The following JAK2 variants were observed in gnomAD, a reference collection of about 807,000 sequenced individuals.
JAK2 encodes Janus kinase 2, also known as tyrosine-protein kinase JAK2.
A neutral mutation model predicts 139.3 loss-of-function variants in JAK2; 86 were observed. The observed-to-expected ratio is 0.62, with a 90% CI of 0.52 to 0.74. The LOEUF is 0.74. JAK2 is among the 30% of genes least tolerant of loss of function. The pLI is 0.00. For missense variants in JAK2, 1,421 were observed against 1,360.3 expected, an observed-to-expected ratio of 1.04 and a Z score of -0.70; for synonymous variants, 490 against 437.7, an observed-to-expected ratio of 1.12 and a Z score of -1.49.
intron 22 of JAK2, among the ~76,000 whole-genome samples, chr9:5,116,522 G>C (rs1000156895): frequency 2.6e-5 from 4 of 151,966 alleles, no homozygotes; most frequent in African/African-American, 9.7e-5. Flanking sequence ...GAATTTAATT[G>C]TTTTTATTGT....
At position 5,089,769 on chromosome 9, in the gene JAK2, A is replaced by G. The variant is rs752665137; in HGVS notation, c.2667A>G (p.Glu889=). The G allele has an allele frequency of 2.5e-6, 4 of 1,599,004 alleles. No individual in the cohort carries two copies. The highest frequency in any genetic ancestry group is 8.5e-7 in the Non-Finnish European group (1 of 1,172,720). Residue 889 remains glutamate (E), a synonymous_variant, in exon 20 of 25, where the codon GAA becomes GAG. Coordinates refer to ENST00000381652, the MANE Select transcript of JAK2 (RefSeq NM_004972.4). The part of the protein sequence containing the change: ...VAVKKLQHST[E]EHLRDFEREI... ...TAAAAAAGCTTCAGCATAGTACTGA[A>G]GAGCACCTAAGAGACTTTGAAAGGG...
At chr9:5,081,044 C>T (rs1451860904) in intron 18 of JAK2, among the ~76,000 whole-genome samples, 5 of 151,578 alleles carry the variant, frequency 3.3e-5, no homozygotes, top group South Asian at 4.2e-4. Context: ...TACAGGCGCC[C>T]GCCACCACAC....
chr9:5,056,112 A>G (rs2130423197), intron 8 of JAK2, among the ~76,000 whole-genome samples: 1 of 152,130 alleles, frequency 6.6e-6, no homozygotes. Flanking sequence ...TGACTAAAAT[A>G]TTTTATCAAC....
intron 19 of JAK2, chr9:5,085,783 T>C (rs1820048170): frequency 1.3e-6 from 1 of 754,964 alleles, no homozygotes; most frequent in African/African-American, 1.7e-5. Context: ...TTATGATGAA[T>C]ATTACATGCT....
chr9:5,114,368 G>A (rs199922489), intron 22 of JAK2: 75 of 530,330 alleles, frequency 1.4e-4, no homozygotes, highest in Middle Eastern at 4.9e-4. Context: ...GCAATGGCAC[G>A]TTCACCATCA....
At chr9:5,035,472 C>G (rs1294151296) in intron 4 of JAK2, among the ~76,000 whole-genome samples, 1 of 152,126 alleles carries the variant, frequency 6.6e-6, no homozygotes, top group Non-Finnish European at 1.5e-5. Context: ...AACATTGATG[C>G]AAAAATCCTC....
intron 3 of JAK2, among the ~76,000 whole-genome samples, chr9:5,023,911 G>C (rs1587839774): frequency 6.6e-6 from 1 of 150,940 alleles, no homozygotes; most frequent in Non-Finnish European, 1.5e-5. Flanking sequence ...TAGCTTTTAA[G>C]ATTTTTTAGC....
intron 2 of JAK2, among the ~76,000 whole-genome samples, chr9:4,990,417 T>C (rs1339048504): frequency 6.6e-6 from 1 of 152,188 alleles, no homozygotes; most frequent in Non-Finnish European, 1.5e-5. Context: ...CAGTTGAGCG[T>C]ATATTGTGGA....
intron 2 of JAK2, among the ~76,000 whole-genome samples, chr9:4,993,402 C>G (rs1820375976): frequency 6.6e-6 from 1 of 152,126 alleles, no homozygotes. Flanking sequence ...CCTTGAAATT[C>G]TACTCAAAAA....
chr9:5,069,294 G>A, intron 11 of JAK2, 86 bp downstream of exon 11: 1 of 827,184 alleles, frequency 1.2e-6, no homozygotes, highest in Non-Finnish European at 1.9e-6. Flanking sequence ...TGATTTCAAA[G>A]GATATATGAA....
At chr9:5,013,569 T>A (rs1225741199) in intron 2 of JAK2, among the ~76,000 whole-genome samples, 1 of 152,236 alleles carries the variant, frequency 6.6e-6, no homozygotes, top group Admixed American at 6.5e-5. Context: ...TCTACTTTGT[T>A]CCAGGAACAT....
intron 19 of JAK2, chr9:5,085,639 C>T (rs1212318072): frequency 9.7e-6 from 7 of 719,746 alleles, no homozygotes; most frequent in African/African-American, 1.7e-5. Flanking sequence ...CTTCTTTTCA[C>T]CCCAGATCTT....
At chr9:5,064,049 G>A (rs1818386907) in intron 8 of JAK2, among the ~76,000 whole-genome samples, 1 of 151,960 alleles carries the variant, frequency 6.6e-6, no homozygotes. Flanking sequence ...CCAGCTTTTT[G>A]GGAGACTGAG....
chr9:5,078,377 G>A lies in JAK2; in HGVS notation c.2064G>A (p.Lys688=), dbSNP rs1563981684. Reference sequence around the variant, plus strand: ...TGCTTATCAGAGAAGAAGACAGGAAGACAGGAAATCCTCCTTTCATCAAAC... The same window carrying A: ...TGCTTATCAGAGAAGAAGACAGGAAAACAGGAAATCCTCCTTTCATCAAAC... ...NILLIREEDR[K]TGNPPFIKLS... The change falls in exon 16 of 25, where the codon AAG becomes AAA. Residue 688 remains lysine (K), a synonymous_variant. Transcript: ENST00000381652. The A allele has an allele frequency of 6.2e-7, 1 of 1,612,916 alleles. No individual in the cohort carries two copies. Among genetic ancestry groups the A allele is most frequent in the Non-Finnish European group, 8.5e-7 (1 of 1,179,158 alleles).
Position 5,055,718 on chromosome 9 carries a change from A to G in JAK2, c.986A>G (p.Lys329Arg). The G allele has an allele frequency of 1.9e-6, 3 of 1,601,806 alleles. No individual in the cohort carries two copies. The highest frequency in any genetic ancestry group is 1.3e-5 in the African/African-American group (1 of 74,726). ...DFPNIIDVSI[K>R]QANQEGSNES... The stretch of plus-strand genomic sequence containing the variant: ...CCTAATATTATTGATGTCAGTATTA[A>G]GCAAGCAAACCAAGAGGGTTCAAAT... Residue 329 changes from lysine to arginine, a missense_variant, in exon 8 of 25, where the codon AAG (lysine) becomes AGG (arginine). Coordinates refer to ENST00000381652, the MANE Select transcript of JAK2 (RefSeq NM_004972.4).
intron 22 of JAK2, among the ~76,000 whole-genome samples, chr9:5,095,334 T>C (rs1442482723): frequency 6.6e-6 from 1 of 151,916 alleles, no homozygotes; most frequent in Non-Finnish European, 1.5e-5. Flanking sequence ...TAGGAATAAA[T>C]ATAGTAGTTC....
At position 5,016,197 on chromosome 9, in the gene JAK2, G is replaced by A. The variant is rs572904800; in HGVS notation, c.-25-5766G>A. ...AGTTGCAAGCTTAGGAAGATGAGATGACATGATTTAGGAACTTCAGGATGA... is the reference window on the plus strand; with the variant it reads ...AGTTGCAAGCTTAGGAAGATGAGATAACATGATTTAGGAACTTCAGGATGA... On this transcript the variant is annotated intron_variant, in intron 2 of 24. Coordinates refer to ENST00000381652, the MANE Select transcript of JAK2 (RefSeq NM_004972.4). Among the ~76,000 whole-genome samples, 23 of 152,318 alleles carry A rather than the reference G, an allele frequency of 1.5e-4. No individual in the cohort carries two copies. The South Asian group carries it at 2.3e-3, about 15-fold the overall frequency.
intron 4 of JAK2, among the ~76,000 whole-genome samples, chr9:5,033,144 C>T (rs1042208153): frequency 1.8e-4 from 27 of 152,026 alleles, no homozygotes; most frequent in African/African-American, 6.5e-4. Flanking sequence ...GAAAGGGTAT[C>T]AGAGATGGAA....
intron 14 of JAK2, among the ~76,000 whole-genome samples, chr9:5,074,941 A>G (rs577938549): frequency 6.6e-6 from 1 of 152,348 alleles, no homozygotes; most frequent in East Asian, 1.9e-4. Context: ...AAGGAAACTG[A>G]AAGTGCTACT....
Sources: allele counts gnomAD v4.1 joint callset (sites outside exome capture counted in the v4.1 genomes callset), GRCh38; gene constraint gnomAD v4.1.1; transcripts MANE v1.5; gene names NCBI Gene and HGNC (gene_info 2026-07-23, HGNC 2026-07-21).